OTUD7A: variants seen among roughly 807,000 people sequenced by gnomAD.
OTUD7A encodes the protein OTU domain-containing protein 7A.
OTUD7A carries 12 observed loss-of-function variants against 65.7 expected under a neutral mutation model. The ratio of observed to expected loss-of-function variants is 0.18; its 90% CI spans 0.12 to 0.30. The LOEUF (loss-of-function observed/expected upper bound fraction) is 0.30. Ranked by LOEUF, OTUD7A falls within the 10% of genes least tolerant of loss-of-function variation. OTUD7A has a pLI of 1.00. For missense variants in OTUD7A, 1,148 were observed against 1,304.8 expected, an observed-to-expected ratio of 0.88 and a Z score of 1.85; for synonymous variants, 641 against 586.3, an observed-to-expected ratio of 1.09 and a Z score of -1.35.
chr15:31,622,463 CT>C (rs1292762727), intron 3 of OTUD7A, among the ~76,000 whole-genome samples: 1 of 152,122 alleles, frequency 6.6e-6, no homozygotes. Flanking sequence ...TTGTTTGTTT[CT>C]TTTTATTCTT....
chr15:31,590,053 C>A lies in OTUD7A; in HGVS notation c.152-19856G>T, dbSNP rs578095773. 9.2e-5 allele frequency among the ~76,000 whole-genome samples: 14 copies of A among 152,224 alleles called. No individual in the cohort carries two copies. The South Asian group carries it at 2.1e-3, about 23-fold the overall frequency. On this transcript the variant is annotated intron_variant, in intron 3 of 12. Coordinates refer to ENST00000307050, the MANE Select transcript of OTUD7A (RefSeq NM_001382637.1). ...CACCATCATGTGCTATATGACAATT[C>A]CGTCAATGACAGACCACATACAATG...
chr15:31,671,535 T>C (rs1193922852), intron 1 of OTUD7A, among the ~76,000 whole-genome samples: 1 of 152,240 alleles, frequency 6.6e-6, no homozygotes, highest in Non-Finnish European at 1.5e-5. Context: ...CCTCTTCTAC[T>C]GAGTGGTTTT....
chr15:31,766,071 T>C (rs1321070751), intron 1 of OTUD7A: 4 of 1,484,650 alleles, frequency 2.7e-6, no homozygotes, highest in Non-Finnish European at 2.8e-6. Flanking sequence ...ACTTTCAATA[T>C]GTCCCCTTTT....
intron 8 of OTUD7A, among the ~76,000 whole-genome samples, chr15:31,504,437 GAAAC>G (rs999991664): frequency 6.6e-6 from 1 of 152,222 alleles, no homozygotes; most frequent in Non-Finnish European, 1.5e-5. Flanking sequence ...GAGGATCAGG[GAAAC>G]CGCAGGCTCA....
intron 3 of OTUD7A, among the ~76,000 whole-genome samples, chr15:31,609,825 C>A (rs1014982487): frequency 2.0e-5 from 3 of 151,980 alleles, no homozygotes; most frequent in Admixed American, 1.3e-4. Flanking sequence ...CATTTCACCC[C>A]CCTGCCACCT....
At chr15:31,838,157 T>C (rs982904837) in intron 1 of OTUD7A, among the ~76,000 whole-genome samples, 4 of 152,176 alleles carry the variant, frequency 2.6e-5, no homozygotes, top group Non-Finnish European at 5.9e-5. Context: ...AATGCAAAAC[T>C]ACAAAAGTTT....
chr15:31,733,380 A>T (rs1894100626), intron 1 of OTUD7A, among the ~76,000 whole-genome samples: 1 of 152,198 alleles, frequency 6.6e-6, no homozygotes, highest in African/African-American at 2.4e-5. Flanking sequence ...GAGCAACTGT[A>T]GGATTTGTGA....
At chr15:31,486,603 GC>G (rs202075588) in intron 12 of OTUD7A, among the ~76,000 whole-genome samples, 5 of 60,334 alleles carry the variant, frequency 8.3e-5, no homozygotes, top group Non-Finnish European at 1.3e-4. Context: ...AGCAGGGGCA[GC>G]CCCGGACCCT....
chr15:31,709,357 C>T (rs891469086), intron 1 of OTUD7A, among the ~76,000 whole-genome samples: 3 of 152,148 alleles, frequency 2.0e-5, no homozygotes, highest in African/African-American at 7.2e-5. Context: ...AGCGGGGCAC[C>T]ACAGGTGTGG....
chr15:31,800,116 G>A (rs955659558), intron 1 of OTUD7A, among the ~76,000 whole-genome samples: 1 of 152,116 alleles, frequency 6.6e-6, no homozygotes, highest in Non-Finnish European at 1.5e-5. Context: ...TCCCATTTGT[G>A]GCCAGATGAT....
At chr15:31,606,228 T>C (rs1243911729) in intron 3 of OTUD7A, among the ~76,000 whole-genome samples, 3 of 152,234 alleles carry the variant, frequency 2.0e-5, no homozygotes, top group South Asian at 4.1e-4. Flanking sequence ...TGTGAAACTT[T>C]GTTTAACTAT....
At chr15:31,789,081 T>C (rs763770444) in intron 1 of OTUD7A, among the ~76,000 whole-genome samples, 3 of 152,204 alleles carry the variant, frequency 2.0e-5, no homozygotes, top group Non-Finnish European at 4.4e-5. Context: ...CTTGAAGAAG[T>C]TGGAAATAAA....
chr15:31,862,508 C>T (rs968622548), intron 1 of OTUD7A, among the ~76,000 whole-genome samples: 13 of 152,070 alleles, frequency 8.5e-5, no homozygotes, highest in Non-Finnish European at 1.6e-4. Flanking sequence ...AGAATCATGG[C>T]GGGAGGTGAA....
At chr15:31,537,380 TAAG>T (rs773739038) in intron 5 of OTUD7A, among the ~76,000 whole-genome samples, 15 of 152,226 alleles carry the variant, frequency 9.9e-5, no homozygotes, top group Non-Finnish European at 1.6e-4. Flanking sequence ...ACTACAAAGT[TAAG>T]TAGACGAACA....
In OTUD7A at chr15:31,612,577, T is replaced by C. The variant is rs528612896; in HGVS notation, c.152-42380A>G. Among the ~76,000 whole-genome samples, 34 of 152,130 alleles carry C rather than the reference T, an allele frequency of 2.2e-4. No individual in the cohort carries two copies. In the South Asian group the frequency reaches 6.8e-3, roughly 31 times the overall value. ...CAAAAAAATAAAATACCTAGGAATA[T>C]ACCTAACTGAGGAGGAGAAAGACCT... On this transcript the variant is annotated intron_variant, in intron 3 of 12. Transcript: ENST00000307050.
chr15:31,808,006 G>C (rs17604594), intron 1 of OTUD7A, among the ~76,000 whole-genome samples: 48,322 of 151,590 alleles, frequency 0.32, 8,627 homozygotes, highest in South Asian at 0.56. Flanking sequence ...GCGACACTCA[G>C]AGCACGTAGC....
chr15:31,538,666 C>T (rs547416727), intron 5 of OTUD7A, among the ~76,000 whole-genome samples: 4 of 152,218 alleles, frequency 2.6e-5, no homozygotes, highest in South Asian at 2.1e-4. Flanking sequence ...TTTCAAAAGC[C>T]GTATTACTGA....
chr15:31,525,930 G>T (rs2042005343), intron 8 of OTUD7A, among the ~76,000 whole-genome samples: 1 of 152,208 alleles, frequency 6.6e-6, no homozygotes. Flanking sequence ...AAATTAATTA[G>T]TTGGGGGAGA....
chr15:31,724,905 C>T (rs925568415), intron 1 of OTUD7A, among the ~76,000 whole-genome samples: 3 of 151,960 alleles, frequency 2.0e-5, no homozygotes, highest in African/African-American at 7.3e-5. Context: ...GTGGGGGGCA[C>T]GAAAGCAAAG....
Sources: gnomAD v4.1 joint callset for allele counts (sites outside exome capture counted in the v4.1 genomes callset) on GRCh38, gnomAD v4.1.1 for gene constraint, MANE v1.5 for transcripts, NCBI Gene and HGNC (gene_info 2026-07-23, HGNC 2026-07-21) for gene names.